Variants in RTN1 observed in about 807,000 individuals in gnomAD.
The protein encoded by RTN1 is reticulon-1.
Under a neutral mutation model 65.5 loss-of-function variants are expected in RTN1, and 25 were observed. The ratio of observed to expected loss-of-function variants is 0.38; its 90% confidence interval spans 0.28 to 0.53. The LOEUF is 0.53. Among genes scored for constraint, RTN1 ranks in the 20% least tolerant of loss-of-function variants. The pLI, the probability that RTN1 is intolerant of heterozygous loss-of-function variation, is 0.79. For missense variants in RTN1, 983 were observed against 1,025.4 expected (o/e 0.96, Z 0.57); for synonymous variants, 471 against 447.6 (o/e 1.05, Z -0.66).
chr14:59,746,546 C>T (rs1486820128), intron 1 of RTN1, 65 bp from the exon 2 acceptor site: 66 of 1,341,090 alleles, frequency 4.9e-5, no homozygotes, highest in Middle Eastern at 2.2e-4. Flanking sequence ...TCTTGTCTAA[C>T]CCACCACCCA....
intron 3 of RTN1, among the ~76,000 whole-genome samples, chr14:59,631,091 C>A (rs1031178358): frequency 6.6e-6 from 1 of 152,212 alleles, no homozygotes; most frequent in Non-Finnish European, 1.5e-5. Flanking sequence ...TCTTAAAAAT[C>A]TGAACTCGAT....
chr14:59,652,003 G>C (rs1883029788), intron 3 of RTN1, among the ~76,000 whole-genome samples: 1 of 151,834 alleles, frequency 6.6e-6, no homozygotes, highest in Non-Finnish European at 1.5e-5. Context: ...CAACCCCATT[G>C]AAAAGTGGGC....
chr14:59,742,080 G>A (rs569436833), intron 2 of RTN1, among the ~76,000 whole-genome samples: 1 of 152,192 alleles, frequency 6.6e-6, no homozygotes, highest in Non-Finnish European at 1.5e-5. Context: ...CATGTCTGAT[G>A]TATAGAAGTC....
At chr14:59,845,394 A>G (rs940179422) in intron 1 of RTN1, among the ~76,000 whole-genome samples, 1 of 152,190 alleles carries the variant, frequency 6.6e-6, no homozygotes, top group African/African-American at 2.4e-5. Flanking sequence ...TGAGCCGGAA[A>G]CTTAAATAAT....
In RTN1 at chr14:59,596,789, TA is replaced by T. The variant is rs529779690; in HGVS notation, c.2289-3del. The T allele has an allele frequency of 4.4e-3, 7,104 of 1,609,312 alleles. 17 individuals carry two copies. The highest frequency in any genetic ancestry group is 5.5e-3 in the Non-Finnish European group (6,484 of 1,175,756). On this transcript the variant is annotated splice_polypyrimidine_tract_variant and splice_region_variant and intron_variant, in intron 8 of 8. Coordinates refer to ENST00000267484, the MANE Select transcript of RTN1 (RefSeq NM_021136.3). ...GCGCCTGGGATTTTAGCCTGAATCC[TA>T]AAAAGACAGTATCAAAAGGTAGTAA...
intron 3 of RTN1, among the ~76,000 whole-genome samples, chr14:59,692,354 C>A (rs991134179): frequency 1.1e-4 from 16 of 151,970 alleles, no homozygotes; most frequent in Admixed American, 1.0e-3. Context: ...CACATCTAAC[C>A]AAAAAGGTGA....
At chr14:59,598,625 C>T (rs1303715533) in intron 8 of RTN1, among the ~76,000 whole-genome samples, 1 of 152,166 alleles carries the variant, frequency 6.6e-6, no homozygotes, top group Non-Finnish European at 1.5e-5. Context: ...TATTTGAATA[C>T]TTGAATGAAT....
At chr14:59,682,082 C>G (rs1957998) in intron 3 of RTN1, among the ~76,000 whole-genome samples, 109,916 of 152,072 alleles carry the variant, frequency 0.72, 39,990 homozygotes, top group Non-Finnish European at 0.74. Context: ...TAATGTGGCT[C>G]CTTCCCATCT....
chr14:59,668,782 A>C (rs751207981), intron 3 of RTN1, among the ~76,000 whole-genome samples: 4 of 152,228 alleles, frequency 2.6e-5, no homozygotes, highest in South Asian at 2.1e-4. Flanking sequence ...ATCCCATCAA[A>C]AAGTGGGCAA....
In RTN1 at chr14:59,623,527, T is replaced by C. The variant is rs144801770; in HGVS notation, c.1766-16035A>G. Among the ~76,000 whole-genome samples, 1,382 of 152,362 alleles carry C rather than the reference T, an allele frequency of 9.1e-3. 5 individuals carry two copies. The highest frequency in any genetic ancestry group is 0.013 in the Non-Finnish European group (880 of 68,028). ...GTCACAGGGAGGAAAAGACGGGCTT[T>C]GGAAATGTGATAGTTGAGGCATGAA... On this transcript the variant is annotated intron_variant, in intron 3 of 8. Coordinates refer to ENST00000267484, the MANE Select transcript of RTN1 (RefSeq NM_021136.3).
chr14:59,814,624 A>C (rs1031589054), intron 1 of RTN1, among the ~76,000 whole-genome samples: 3 of 152,252 alleles, frequency 2.0e-5, no homozygotes, highest in Non-Finnish European at 4.4e-5. Flanking sequence ...CTATGGCTTC[A>C]ACAAAACAGA....
chr14:59,773,258 G>A lies in RTN1; in HGVS notation c.242-26777C>T, dbSNP rs561707480. Among the ~76,000 whole-genome samples, 7 of 152,000 alleles carry A rather than the reference G, an allele frequency of 4.6e-5. 1 individual carries two copies. Among genetic ancestry groups the A allele is most frequent in the Non-Finnish European group, 1.5e-5 (1 of 67,944 alleles). On this transcript the variant is annotated intron_variant, in intron 1 of 8. Coordinates refer to ENST00000267484, the MANE Select transcript of RTN1 (RefSeq NM_021136.3). ...CTCATTAGTTATGAAGTATTACCGT[G>A]CCCAGTTAGTTACATTAGAAAAAAA...
intron 1 of RTN1, among the ~76,000 whole-genome samples, chr14:59,837,921 G>T (rs1221326806): frequency 6.6e-6 from 1 of 151,924 alleles, no homozygotes; most frequent in Non-Finnish European, 1.5e-5. Flanking sequence ...GCCTTGATTT[G>T]GGGGGTTTGG....
chr14:59,854,533 C>T (rs1377480055), intron 1 of RTN1, among the ~76,000 whole-genome samples: 6 of 148,230 alleles, frequency 4.0e-5, no homozygotes, highest in South Asian at 2.2e-4. Context: ...CCCAGCTACT[C>T]GGGAGGCTGA....
intron 3 of RTN1, among the ~76,000 whole-genome samples, chr14:59,696,896 A>G (rs113307732): frequency 1.1e-4 from 16 of 152,318 alleles, no homozygotes; most frequent in African/African-American, 3.6e-4. Flanking sequence ...TAGGGGGGAA[A>G]AAAAACAAGA....
At chr14:59,824,778 C>T (rs1887001994) in intron 1 of RTN1, among the ~76,000 whole-genome samples, 1 of 152,182 alleles carries the variant, frequency 6.6e-6, no homozygotes, top group Non-Finnish European at 1.5e-5. Flanking sequence ...TTTTTAATAT[C>T]TTATTTGCCA....
At chr14:59,808,546 C>T (rs778322148) in intron 1 of RTN1, among the ~76,000 whole-genome samples, 3 of 152,086 alleles carry the variant, frequency 2.0e-5, no homozygotes, top group Non-Finnish European at 2.9e-5. Context: ...TTTTGTCAGA[C>T]CCAGACAAAA....
At chr14:59,735,501 T>G (rs965237607) in intron 2 of RTN1, among the ~76,000 whole-genome samples, 1 of 152,084 alleles carries the variant, frequency 6.6e-6, no homozygotes, top group African/African-American at 2.4e-5. Flanking sequence ...CCATCTCACA[T>G]GCAAAGACAT....
intron 3 of RTN1, among the ~76,000 whole-genome samples, chr14:59,645,474 C>T (rs968838278): frequency 6.6e-6 from 1 of 151,298 alleles, no homozygotes; most frequent in Non-Finnish European, 1.5e-5. Flanking sequence ...GTCCCTGTTC[C>T]CGTATCTCCT....
Sources: gnomAD v4.1 joint callset for allele counts (sites outside exome capture counted in the v4.1 genomes callset) on GRCh38, gnomAD v4.1.1 for gene constraint, MANE v1.5 for transcripts, NCBI Gene and HGNC (gene_info 2026-07-23, HGNC 2026-07-21) for gene names.